LDLRAD4: variants seen among roughly 807,000 people sequenced by gnomAD.
LDLRAD4 encodes low-density lipoprotein receptor class A domain-containing protein 4.
Under a neutral mutation model 17.0 loss-of-function variants are expected in LDLRAD4, and 5 were observed. That is an observed-to-expected ratio of 0.29 (90% CI 0.15 to 0.62). The LOEUF (loss-of-function observed/expected upper bound fraction) is 0.62, where lower values mean the gene tolerates loss of function less well. Ranked by LOEUF, LDLRAD4 falls within the 20% of genes least tolerant of loss-of-function variation. The pLI is 0.84. For missense variants in LDLRAD4, 340 were observed against 424.7 expected, an observed-to-expected ratio of 0.80 and a Z score of 1.75; for synonymous variants, 168 against 171.8, an observed-to-expected ratio of 0.98 and a Z score of 0.17.
intron 3 of LDLRAD4, among the ~76,000 whole-genome samples, chr18:13,567,465 GC>G (rs1359081875): frequency 3.3e-5 from 5 of 152,110 alleles, no homozygotes; most frequent in African/African-American, 4.8e-5. Context: ...CGCCGCTGCA[GC>G]CCCCCAGGAG....
chr18:13,224,954 C>T (rs2041693805), intron 1 of LDLRAD4, among the ~76,000 whole-genome samples: 2 of 151,488 alleles, frequency 1.3e-5, no homozygotes, highest in South Asian at 4.2e-4. Flanking sequence ...CCTCAACCTC[C>T]TAAATTGAGT....
chr18:13,298,475 T>TG (rs2046396159), intron 1 of LDLRAD4, among the ~76,000 whole-genome samples: 1 of 143,486 alleles, frequency 7.0e-6, no homozygotes, highest in Non-Finnish European at 1.5e-5. Flanking sequence ...GGCACGGTGA[T>TG]GGAGCTGCTC....
intron 3 of LDLRAD4, among the ~76,000 whole-genome samples, chr18:13,503,266 A>T (rs2093641399): frequency 6.6e-6 from 1 of 152,190 alleles, no homozygotes; most frequent in African/African-American, 2.4e-5. Context: ...GCAGCATTGA[A>T]AAGTGCAGCA....
At chr18:13,321,995 A>T (rs1442194382) in intron 1 of LDLRAD4, among the ~76,000 whole-genome samples, 7 of 148,604 alleles carry the variant, frequency 4.7e-5, no homozygotes, top group African/African-American at 1.7e-4. Context: ...TATATTTAGA[A>T]TTTTTTTTTT....
At chr18:13,640,439 A>G (rs1037971226) in intron 4 of LDLRAD4, among the ~76,000 whole-genome samples, 1 of 152,210 alleles carries the variant, frequency 6.6e-6, no homozygotes, top group Non-Finnish European at 1.5e-5. Context: ...TCTCCAGGCC[A>G]TCCCGTCTGG....
chr18:13,316,232 A>G (rs2080927006), intron 1 of LDLRAD4, among the ~76,000 whole-genome samples: 1 of 152,230 alleles, frequency 6.6e-6, no homozygotes, highest in African/African-American at 2.4e-5. Flanking sequence ...ATGTAGATGG[A>G]GCTGGAGGTG....
chr18:13,635,492 T>C (rs1408274223), intron 4 of LDLRAD4, among the ~76,000 whole-genome samples: 1 of 152,194 alleles, frequency 6.6e-6, no homozygotes, highest in Non-Finnish European at 1.5e-5. Context: ...ATCTGCAAAT[T>C]GCACATCTTG....
intron 3 of LDLRAD4, among the ~76,000 whole-genome samples, chr18:13,474,016 G>C (rs891659540): frequency 3.9e-5 from 6 of 152,140 alleles, no homozygotes; most frequent in Admixed American, 2.0e-4. Context: ...TGGTGCTGTT[G>C]TCGTGGTAGT....
At chr18:13,258,138 GT>G (rs373480188) in intron 1 of LDLRAD4, among the ~76,000 whole-genome samples, 22 of 152,242 alleles carry the variant, frequency 1.4e-4, no homozygotes, top group African/African-American at 5.3e-4. Context: ...ATTTCTTTTT[GT>G]TTTTCATTTA....
At chr18:13,356,298 G>GGCA (rs2083338771) in intron 1 of LDLRAD4, among the ~76,000 whole-genome samples, 1 of 152,242 alleles carries the variant, frequency 6.6e-6, no homozygotes, top group African/African-American at 2.4e-5. Flanking sequence ...GTGAGCCTTT[G>GGCA]GCAGCAGGCG....
chr18:13,248,015 C>T (rs2043048600), intron 1 of LDLRAD4, among the ~76,000 whole-genome samples: 2 of 140,472 alleles, frequency 1.4e-5, no homozygotes, highest in South Asian at 5.1e-4. Context: ...GGCTGGAGTA[C>T]AATGGCACGA....
chr18:13,357,654 T>C (rs2083427955), intron 1 of LDLRAD4, among the ~76,000 whole-genome samples: 1 of 152,218 alleles, frequency 6.6e-6, no homozygotes, highest in Admixed American at 6.5e-5. Flanking sequence ...TGTCCATATT[T>C]CTTTTAATAT....
chr18:13,312,779 G>A (rs747553936), intron 1 of LDLRAD4, among the ~76,000 whole-genome samples: 3 of 152,060 alleles, frequency 2.0e-5, no homozygotes, highest in Non-Finnish European at 4.4e-5. Flanking sequence ...ACACAAAACT[G>A]AGTTCAAGGT....
intron 3 of LDLRAD4, among the ~76,000 whole-genome samples, chr18:13,593,942 A>ACC: frequency 6.6e-6 from 1 of 152,304 alleles, no homozygotes; most frequent in African/African-American, 2.4e-5. Context: ...GTACAAGTGC[A>ACC]CATCACCACA....
chr18:13,560,449 C>G (rs115280419), intron 3 of LDLRAD4, among the ~76,000 whole-genome samples: 3 of 152,190 alleles, frequency 2.0e-5, no homozygotes, highest in African/African-American at 2.4e-5. Flanking sequence ...GGACCTGCAT[C>G]GTACCTGAGG....
At chr18:13,359,489 C>G (rs188803595) in intron 1 of LDLRAD4, among the ~76,000 whole-genome samples, 1 of 151,990 alleles carries the variant, frequency 6.6e-6, no homozygotes, top group Non-Finnish European at 1.5e-5. Context: ...TACTTCCGTG[C>G]CTTTACCATT....
At chr18:13,412,544 C>T (rs777277313) in intron 2 of LDLRAD4, among the ~76,000 whole-genome samples, 11 of 152,056 alleles carry the variant, frequency 7.2e-5, no homozygotes, top group Non-Finnish European at 1.5e-4. Flanking sequence ...GATCAAGTGC[C>T]TATTATGGAC....
At chr18:13,474,576 T>C (rs2092888558) in intron 3 of LDLRAD4, among the ~76,000 whole-genome samples, 1 of 152,172 alleles carries the variant, frequency 6.6e-6, no homozygotes, top group Non-Finnish European at 1.5e-5. Flanking sequence ...TCTTGCTCCC[T>C]TCCTCCTGGA....
intron 1 of LDLRAD4, among the ~76,000 whole-genome samples, chr18:13,320,697 T>TG (rs1281527207): frequency 6.6e-6 from 1 of 152,182 alleles, no homozygotes; most frequent in Admixed American, 6.5e-5. Context: ...GCACAGGCTG[T>TG]GGGAATCCCG....
Sources: allele counts gnomAD v4.1 joint callset (sites outside exome capture counted in the v4.1 genomes callset), GRCh38; gene constraint gnomAD v4.1.1; transcripts MANE v1.5; gene names NCBI Gene and HGNC (gene_info 2026-07-23, HGNC 2026-07-21).